The following DNAJC18 variants were observed in gnomAD, a reference collection of about 807,000 sequenced individuals.
DNAJC18 encodes dnaJ homolog subfamily C member 18.
DNAJC18 carries 40 observed loss-of-function variants against 48.6 expected under a neutral mutation model. The ratio of observed to expected loss-of-function variants is 0.82; its 90% confidence interval spans 0.64 to 1.07. DNAJC18 has a LOEUF of 1.07. DNAJC18 is among the 50% of genes least tolerant of loss of function. The pLI, the probability that DNAJC18 is intolerant of heterozygous loss-of-function variation, is 0.00. For synonymous variants in DNAJC18, 135 were observed against 152.2 expected, an observed-to-expected ratio of 0.89 and a Z score of 0.83; for missense variants, 340 against 427.7, an observed-to-expected ratio of 0.79 and a Z score of 1.81.
chr5:139,428,702 A>C lies in DNAJC18; in HGVS notation c.228-19T>G. ...CTTGATCCTAAAAAAAATCACAAGCATGTATGTCTATAAAGGTCCCTTTTG... is the reference window on the plus strand; with the variant it reads ...CTTGATCCTAAAAAAAATCACAAGCCTGTATGTCTATAAAGGTCCCTTTTG... On this transcript the variant is annotated intron_variant, in intron 2 of 7. Transcript: ENST00000302060. The C allele has an allele frequency of 6.2e-7, 1 of 1,605,806 alleles. No homozygotes were observed. Among genetic ancestry groups the C allele is most frequent in the Non-Finnish European group, 8.5e-7 (1 of 1,177,376 alleles).
intron 2 of DNAJC18, among the ~76,000 whole-genome samples, chr5:139,430,555 A>G (rs1440327919): frequency 6.6e-6 from 1 of 151,982 alleles, no homozygotes; most frequent in Non-Finnish European, 1.5e-5. Context: ...TTAATACTAA[A>G]TAAATATTAC....
intron 7 of DNAJC18, among the ~76,000 whole-genome samples, chr5:139,417,340 C>T (rs774253081): frequency 2.0e-5 from 3 of 152,118 alleles, no homozygotes; most frequent in Non-Finnish European, 4.4e-5. Flanking sequence ...GAACTTTGTT[C>T]TCAAGTGGGT....
At chr5:139,415,964 G>A (rs1759063811) in intron 7 of DNAJC18, among the ~76,000 whole-genome samples, 1 of 152,176 alleles carries the variant, frequency 6.6e-6, no homozygotes, top group South Asian at 2.1e-4. Flanking sequence ...TCAACAAGCT[G>A]ATGAAAGATA....
intron 7 of DNAJC18, chr5:139,419,252 G>C (rs899248401): frequency 4.9e-6 from 2 of 404,166 alleles, no homozygotes; most frequent in African/African-American, 2.1e-5. Flanking sequence ...TGTGTGTGTA[G>C]AATTCAAGTG....
At chr5:139,420,378 A>G (rs1759134357) in intron 6 of DNAJC18, 153 bp from the exon 7 acceptor site, 1 of 728,358 alleles carries the variant, frequency 1.4e-6, no homozygotes, top group South Asian at 2.2e-5. Context: ...TTTCCCTAGC[A>G]AAGTTGTAAG....
intron 5 of DNAJC18, among the ~76,000 whole-genome samples, chr5:139,423,671 T>C (rs577829457): frequency 6.6e-6 from 1 of 151,854 alleles, no homozygotes; most frequent in Non-Finnish European, 1.5e-5. Flanking sequence ...ATTACAGGTG[T>C]GAGCCATAGC....
chr5:139,438,309 C>G (rs1175923293), intron 1 of DNAJC18, among the ~76,000 whole-genome samples: 1 of 149,564 alleles, frequency 6.7e-6, no homozygotes, highest in Non-Finnish European at 1.5e-5. Flanking sequence ...GAGCGAGACT[C>G]CGTCTCAAAA....
chr5:139,412,806 A>G lies in DNAJC18; in HGVS notation c.*1342T>C, dbSNP rs979978068. ...ATGTTAGACAGGGTCCTGCTTCCTA[A>G]AGAGCAGCAGGGATGTTGTCCTGAA... On this transcript the variant is annotated 3_prime_UTR_variant, in exon 8 of 8. Coordinates refer to ENST00000302060, the MANE Select transcript of DNAJC18 (RefSeq NM_152686.4). 3 of 398,502 alleles carry G rather than the reference A, an allele frequency of 7.5e-6. No individual in the cohort carries two copies. Among genetic ancestry groups the G allele is most frequent in the African/African-American group, 6.2e-5 (3 of 48,620 alleles). The allele number at this position is 398,502 out of a possible 1,614,324, so 24.7% of individuals were successfully genotyped here.
Position 139,412,863 on chromosome 5 carries a change from G to T in DNAJC18, c.*1285C>A. ...CAAGATTGCCACAGAAAAGATGAGGGGTCATGGGGTTGGGGAGGACGGAGG... is the reference window on the plus strand; with the variant it reads ...CAAGATTGCCACAGAAAAGATGAGGTGTCATGGGGTTGGGGAGGACGGAGG... On this transcript the variant is annotated 3_prime_UTR_variant, in exon 8 of 8. Coordinates refer to ENST00000302060, the MANE Select transcript of DNAJC18 (RefSeq NM_152686.4). 2.5e-6 allele frequency: 1 copy of T among 398,672 alleles called. No homozygotes were observed. Among genetic ancestry groups the T allele is most frequent in the Non-Finnish European group, 4.4e-6 (1 of 226,122 alleles). The allele number at this position is 398,672 out of a possible 1,614,324, so 24.7% of individuals were successfully genotyped here. A position where few individuals can be genotyped will look rare whatever the true frequency, so the allele number is the denominator to read the frequency against.
In DNAJC18 at chr5:139,414,128, T is replaced by C. The variant is rs756167364; in HGVS notation, c.*20A>G. The C allele has an allele frequency of 6.2e-7, 1 of 1,603,942 alleles. No individual in the cohort carries two copies. Among genetic ancestry groups the C allele is most frequent in the South Asian group, 1.1e-5 (1 of 88,730 alleles). On this transcript the variant is annotated 3_prime_UTR_variant, in exon 8 of 8. Coordinates refer to ENST00000302060, the MANE Select transcript of DNAJC18 (RefSeq NM_152686.4). ...GGAACAAGTAGCAAAACCCCAGCCCTGCGTAGGACCATTATCCTCTCAGCC... is the reference window on the plus strand; with the variant it reads ...GGAACAAGTAGCAAAACCCCAGCCCCGCGTAGGACCATTATCCTCTCAGCC...
chr5:139,431,341 C>T lies in DNAJC18; in HGVS notation c.228-2658G>A, dbSNP rs186622095. On this transcript the variant is annotated intron_variant, in intron 2 of 7. Transcript: ENST00000302060. ...ATTTTTATCACCCCAAAAAGAAACT[C>T]TATACTCCTTAGTAGTCACTCCCAC... Among the ~76,000 whole-genome samples, 767 of 152,308 alleles carry T rather than the reference C, an allele frequency of 5.0e-3. 1 individual carries two copies. The highest frequency in any genetic ancestry group is 7.1e-3 in the Non-Finnish European group (483 of 68,018).
At chr5:139,418,912 C>G (rs1003201332) in intron 7 of DNAJC18, 16 of 454,002 alleles carry the variant, frequency 3.5e-5, no homozygotes, top group South Asian at 2.5e-4. Context: ...ACATATATCC[C>G]TGGAACTCTA....
chr5:139,434,258 C>CA (rs1370799448), intron 2 of DNAJC18, among the ~76,000 whole-genome samples: 1 of 152,180 alleles, frequency 6.6e-6, no homozygotes. Context: ...ATCCATGGTT[C>CA]AAACTGATGC....
chr5:139,425,719 A>G (rs1248921994), intron 4 of DNAJC18, among the ~76,000 whole-genome samples: 2 of 152,210 alleles, frequency 1.3e-5, no homozygotes, highest in African/African-American at 2.4e-5. Context: ...TCCGTGCCCA[A>G]TACCATATTG....
At chr5:139,424,717 C>CA (rs70982777) in intron 5 of DNAJC18, among the ~76,000 whole-genome samples, 1,418 of 23,128 alleles carry the variant, frequency 0.061, 417 homozygotes, top group African/African-American at 0.14. Flanking sequence ...GACCCTCTCT[C>CA]AAAAAAAAAA....
intron 7 of DNAJC18, among the ~76,000 whole-genome samples, chr5:139,416,477 C>T (rs1759070418): frequency 6.6e-6 from 1 of 152,220 alleles, no homozygotes; most frequent in East Asian, 1.9e-4. Context: ...ATGATCCAGC[C>T]CCATGAGATG....
chr5:139,436,829 T>C (rs183127107), intron 2 of DNAJC18, among the ~76,000 whole-genome samples: 31 of 152,298 alleles, frequency 2.0e-4, no homozygotes, highest in Non-Finnish European at 1.9e-4. Context: ...TTTAGCTGCA[T>C]CCTATACATT....
rs1478936850 is a variant in DNAJC18 at position 139,425,147 on chromosome 5, A to C, written c.560-33T>G. On this transcript the variant is annotated intron_variant, in intron 4 of 7. Transcript: ENST00000302060. ...AGAAATACATGGTATGGGATATGGC[A>C]AACACTCCTTCCCTGCCTTTTTCTT... The C allele has an allele frequency of 1.9e-6, 3 of 1,571,078 alleles. No homozygotes were observed. The East Asian group carries it at 6.8e-5, about 36-fold the overall frequency.
chr5:139,426,813 C>T (rs1199965785), intron 3 of DNAJC18, among the ~76,000 whole-genome samples: 1 of 152,088 alleles, frequency 6.6e-6, no homozygotes, highest in Non-Finnish European at 1.5e-5. Flanking sequence ...CGAGATCATG[C>T]CACTGCCTTC....
Sources: gnomAD v4.1 joint callset for allele counts (sites outside exome capture counted in the v4.1 genomes callset) on GRCh38, gnomAD v4.1.1 for gene constraint, MANE v1.5 for transcripts, NCBI Gene and HGNC (gene_info 2026-07-23, HGNC 2026-07-21) for gene names.